The following UBR2 variants were observed in gnomAD, a reference collection of about 807,000 sequenced individuals.
UBR2 encodes the protein E3 ubiquitin-protein ligase UBR2.
A neutral mutation model predicts 247.9 loss-of-function variants in UBR2; 92 were observed. That is an observed-to-expected ratio of 0.37 (90% CI 0.31 to 0.44). The LOEUF is 0.44. Ranked by LOEUF, UBR2 falls within the 20% of genes least tolerant of loss-of-function variation. UBR2 has a pLI of 1.00. For synonymous variants in UBR2, 672 were observed against 693.5 expected (o/e 0.97, Z 0.49); for missense variants, 1,613 against 2,112.6 (o/e 0.76, Z 4.64).
At chr6:42,594,364 C>A in intron 4 of UBR2, 60 bp downstream of exon 4, 1 of 1,327,362 alleles carries the variant, frequency 7.5e-7, no homozygotes, top group South Asian at 1.2e-5. Context: ...GAGAAATAGT[C>A]ATTAGATGAT....
At chr6:42,619,412 CATATATATATATAT>C (rs1194148203) in intron 11 of UBR2, 13 of 28,454 alleles carry the variant, frequency 4.6e-4, no homozygotes, top group Admixed American at 6.4e-4. Context: ...TCGTTATGAA[CATATATATATATAT>C]ATATATATAT....
chr6:42,625,365 A>G (rs893468879), intron 11 of UBR2, among the ~76,000 whole-genome samples: 2 of 151,872 alleles, frequency 1.3e-5, no homozygotes, highest in Admixed American at 6.6e-5. Flanking sequence ...TATTTAATAC[A>G]TTTCAGATCT....
intron 4 of UBR2, among the ~76,000 whole-genome samples, chr6:42,600,055 G>C (rs1582493603): frequency 6.6e-6 from 1 of 152,070 alleles, no homozygotes; most frequent in Non-Finnish European, 1.5e-5. Flanking sequence ...GCAGCCTCTA[G>C]TTTATTTCTA....
chr6:42,603,793 TA>T, intron 5 of UBR2, 75 bp downstream of exon 5: 1 of 1,407,492 alleles, frequency 7.1e-7, no homozygotes. Flanking sequence ...GTATAGGGCA[TA>T]ATCATTTTTT....
At chr6:42,632,936 C>CA in intron 13 of UBR2, 32 bp downstream of exon 13, 1 of 920,008 alleles carries the variant, frequency 1.1e-6, no homozygotes, top group Non-Finnish European at 1.4e-6. Flanking sequence ...TTTCTTTTTC[C>CA]TTTTTTTTTT....
chr6:42,581,212 C>T (rs549846515), intron 2 of UBR2, among the ~76,000 whole-genome samples: 6 of 148,572 alleles, frequency 4.0e-5, no homozygotes, highest in East Asian at 3.9e-4. Context: ...TTCTCCGAGA[C>T]GGAGTCTCGC....
rs1371547238 is a variant in UBR2 at position 42,622,568 on chromosome 6, G to GT, written c.1281+5068dup. On this transcript the variant is annotated intron_variant, in intron 11 of 46. Coordinates refer to ENST00000372901, the MANE Select transcript of UBR2 (RefSeq NM_001363705.2). ...AGGTGCGTGCCACCACACCTGGCTA[G>GT]TTTTTTTGTACTTTTCATAGAGATG... is the stretch of plus-strand genomic sequence containing the variant. Among the ~76,000 whole-genome samples the GT allele has an allele frequency of 4.0e-5, 6 of 151,284 alleles. No individual in the cohort carries two copies. In the East Asian group the frequency reaches 9.8e-4, roughly 25 times the overall value.
At chr6:42,684,055 T>A (rs557333405) in intron 43 of UBR2, among the ~76,000 whole-genome samples, 1 of 152,350 alleles carries the variant, frequency 6.6e-6, no homozygotes, top group South Asian at 2.1e-4. Context: ...TCAATTTTTA[T>A]CAGTCAAAAA....
intron 2 of UBR2, among the ~76,000 whole-genome samples, chr6:42,575,850 A>G (rs563591842): frequency 2.0e-5 from 3 of 152,290 alleles, no homozygotes; most frequent in East Asian, 3.9e-4. Context: ...CTTTGAGACT[A>G]TTAAGTATCC....
chr6:42,641,565 A>C lies in UBR2; in HGVS notation c.1921-17A>C. On this transcript the variant is annotated splice_polypyrimidine_tract_variant and intron_variant, in intron 16 of 46. Transcript: ENST00000372901. ...TGTTTTTTTTGTTTTCTGTTTTTTT[A>C]TTTTTTGTATATATAGAGTGAACTT... 1 of 1,564,336 alleles carries C rather than the reference A, an allele frequency of 6.4e-7. No homozygotes were observed. The highest frequency in any genetic ancestry group is 8.6e-7 in the Non-Finnish European group (1 of 1,161,120).
chr6:42,605,053 C>A lies in UBR2; in HGVS notation c.663-668C>A, dbSNP rs569811231. Among the ~76,000 whole-genome samples the A allele has an allele frequency of 8.6e-5, 13 of 151,570 alleles. No homozygotes were observed. The East Asian group carries it at 1.4e-3, about 16-fold the overall frequency. Reference sequence around the variant, plus strand: ...AAAAAAAAACAAAAAACAAAAAAAACCATTATAAACTGTGCAAGATTTCTG... The same window carrying A: ...AAAAAAAAACAAAAAACAAAAAAAAACATTATAAACTGTGCAAGATTTCTG... On this transcript the variant is annotated intron_variant, in intron 5 of 46. Transcript: ENST00000372901.
chr6:42,645,518 G>A lies in UBR2; in HGVS notation c.2337G>A (p.Lys779=), dbSNP rs1456543448. The A allele has an allele frequency of 5.6e-6, 9 of 1,613,870 alleles. No individual in the cohort carries two copies. The highest frequency in any genetic ancestry group is 7.6e-6 in the Non-Finnish European group (9 of 1,179,808). The change falls in exon 21 of 47, where the codon AAG becomes AAA. Residue 779 remains lysine, a synonymous_variant. Transcript: ENST00000372901. ...AGGTAAATGCTACAGATGAAATCAA[G>A]CGAGAGATTATCCATCAGTTGAGTA... is the stretch of plus-strand genomic sequence containing the variant. ...VGQVNATDEI[K]REIIHQLSIK...
At chr6:42,623,674 AC>A (rs1460531255) in intron 11 of UBR2, among the ~76,000 whole-genome samples, 1 of 149,758 alleles carries the variant, frequency 6.7e-6, no homozygotes, top group African/African-American at 2.5e-5. Flanking sequence ...CTGGTCTTGA[AC>A]TCCTGACCTC....
chr6:42,663,151 A>G (rs954218256), intron 31 of UBR2, 107 bp from the exon 32 acceptor site: 1 of 964,572 alleles, frequency 1.0e-6, no homozygotes, highest in Non-Finnish European at 1.4e-6. Context: ...TAAGATTTTC[A>G]TTTTTGAACT....
At chr6:42,602,607 T>TTGTG (rs145962701) in intron 4 of UBR2, among the ~76,000 whole-genome samples, 123 of 149,764 alleles carry the variant, frequency 8.2e-4, no homozygotes, top group Non-Finnish European at 1.4e-3. Context: ...ATATGTGTTT[T>TTGTG]TGTGTGTGTG....
At chr6:42,619,447 A>ATTTTTT (rs1262227969) in intron 11 of UBR2, 1 of 29,644 alleles carries the variant, frequency 3.4e-5, no homozygotes, top group African/African-American at 1.0e-4. Flanking sequence ...ATATATATAT[A>ATTTTTT]TATATATTTT....
At chr6:42,578,173 G>T (rs1791645013) in intron 2 of UBR2, among the ~76,000 whole-genome samples, 2 of 152,278 alleles carry the variant, frequency 1.3e-5, no homozygotes, top group East Asian at 3.9e-4. Context: ...TTATTACTCA[G>T]ACTGTGTGAC....
intron 44 of UBR2, 69 bp downstream of exon 44, chr6:42,684,940 A>T: frequency 7.7e-7 from 1 of 1,294,004 alleles, no homozygotes; most frequent in Non-Finnish European, 1.1e-6. Flanking sequence ...AATTTGAAGG[A>T]TTTTGTTGTT....
chr6:42,649,009 G>A (rs907679916), intron 22 of UBR2, among the ~76,000 whole-genome samples: 3 of 152,004 alleles, frequency 2.0e-5, no homozygotes, highest in African/African-American at 7.2e-5. Context: ...GTACATATAG[G>A]CATACTTCAT....
Sources: gnomAD v4.1 joint callset for allele counts (sites outside exome capture counted in the v4.1 genomes callset) on GRCh38, gnomAD v4.1.1 for gene constraint, MANE v1.5 for transcripts, NCBI Gene and HGNC (gene_info 2026-07-23, HGNC 2026-07-21) for gene names.